The following KIAA1671 variants were observed in gnomAD, a reference collection of about 807,000 sequenced individuals.
KIAA1671 encodes the protein KIAA1671.
KIAA1671 carries 52 observed loss-of-function variants against 131.2 expected under a neutral mutation model. The ratio of observed to expected loss-of-function variants is 0.40; its 90% confidence interval spans 0.32 to 0.50. KIAA1671 has a LOEUF of 0.50. Among genes scored for constraint, KIAA1671 ranks in the 20% least tolerant of loss-of-function variants. KIAA1671 has a pLI of 0.73. For synonymous variants in KIAA1671, 1,003 were observed against 961.6 expected, an observed-to-expected ratio of 1.04 and a Z score of -0.80; for missense variants, 2,360 against 2,364.2, an observed-to-expected ratio of 1.00 and a Z score of 0.04.
chr22:24,965,101 T>TA (rs3063196), intron 1 of KIAA1671, among the ~76,000 whole-genome samples: 173 of 140,878 alleles, frequency 1.2e-3, no homozygotes, highest in Non-Finnish European at 1.7e-3. Flanking sequence ...AGTAGGCTCT[T>TA]AAAAAAAAAA....
chr22:25,151,864 G>A (rs761889221), intron 6 of KIAA1671, among the ~76,000 whole-genome samples: 7 of 151,280 alleles, frequency 4.6e-5, no homozygotes, highest in South Asian at 2.1e-4. Flanking sequence ...TCAGCCTCCC[G>A]AGAAGCTGGG....
chr22:25,182,258 C>T (rs1934314890), intron 10 of KIAA1671, among the ~76,000 whole-genome samples: 1 of 151,794 alleles, frequency 6.6e-6, no homozygotes, highest in Admixed American at 6.6e-5. Flanking sequence ...TTCCTCCTTC[C>T]TTTTGTCCCT....
chr22:25,101,022 T>C (rs965649519), intron 6 of KIAA1671, among the ~76,000 whole-genome samples: 1 of 152,236 alleles, frequency 6.6e-6, no homozygotes, highest in Non-Finnish European at 1.5e-5. Flanking sequence ...ATGTGTTCCT[T>C]ATCCCATTTC....
At chr22:24,992,131 T>C (rs1006086538) in intron 1 of KIAA1671, among the ~76,000 whole-genome samples, 1 of 152,120 alleles carries the variant, frequency 6.6e-6, no homozygotes, top group South Asian at 2.1e-4. Flanking sequence ...TCCTAAGAGA[T>C]TGTCTCTGGG....
At chr22:25,007,193 G>A (rs868330877) in intron 1 of KIAA1671, among the ~76,000 whole-genome samples, 1 of 152,004 alleles carries the variant, frequency 6.6e-6, no homozygotes, top group African/African-American at 2.4e-5. Context: ...GAGTTACAAG[G>A]TCTGCTAGTG....
At chr22:25,135,963 T>C (rs750879699) in intron 6 of KIAA1671, among the ~76,000 whole-genome samples, 15 of 152,224 alleles carry the variant, frequency 9.9e-5, no homozygotes, top group Non-Finnish European at 1.9e-4. Flanking sequence ...TGCTTTACAA[T>C]TGTGGGAACT....
intron 1 of KIAA1671, among the ~76,000 whole-genome samples, chr22:24,994,260 G>A (rs554872455): frequency 6.6e-6 from 1 of 152,140 alleles, no homozygotes; most frequent in Non-Finnish European, 1.5e-5. Flanking sequence ...TTCTAGGAAA[G>A]AGTGGTGTCA....
At chr22:24,959,579 CAT>C (rs60725069) in intron 1 of KIAA1671, among the ~76,000 whole-genome samples, 2 of 151,750 alleles carry the variant, frequency 1.3e-5, no homozygotes, top group African/African-American at 4.8e-5. Flanking sequence ...CACACACACA[CAT>C]ATATATATTT....
chr22:25,039,686 C>T lies in KIAA1671; in HGVS notation c.2556C>T (p.Ile852=). Residue 852 remains isoleucine, a synonymous_variant, in exon 5 of 13, where the codon ATC becomes ATT. Coordinates refer to ENST00000358431, the MANE Select transcript of KIAA1671 (RefSeq NM_001145206.2). ...CAPGATSVRA[I]KAAIWESQHE... Reference sequence around the variant, plus strand: ...CCGGGGCCACCTCCGTCAGGGCTATCAAGGCTGCCATCTGGGAAAGCCAGC... The same window carrying T: ...CCGGGGCCACCTCCGTCAGGGCTATTAAGGCTGCCATCTGGGAAAGCCAGC... 1 of 1,519,444 alleles carries T rather than the reference C, an allele frequency of 6.6e-7. No homozygotes were observed. Among genetic ancestry groups the T allele is most frequent in the Non-Finnish European group, 8.9e-7 (1 of 1,127,958 alleles). 94.1% of individuals were successfully genotyped at this position (1,519,444 alleles called of 1,614,324 possible).
At chr22:25,128,702 C>T (rs998626069) in intron 6 of KIAA1671, among the ~76,000 whole-genome samples, 1 of 152,130 alleles carries the variant, frequency 6.6e-6, no homozygotes, top group Non-Finnish European at 1.5e-5. Flanking sequence ...CTCTTTGCAC[C>T]CCCATAAGCC....
chr22:24,965,721 CA>C (rs1922265110), intron 1 of KIAA1671, among the ~76,000 whole-genome samples: 1 of 76,810 alleles, frequency 1.3e-5, no homozygotes, highest in Admixed American at 2.0e-4. Flanking sequence ...GCTTGGGCAA[CA>C]AGAGTGAAAC....
In KIAA1671 at chr22:25,049,301, T is replaced by C. The variant is rs1881655418; in HGVS notation, c.4467T>C (p.Pro1489=). Reference sequence around the variant, plus strand: ...AGCGACCGCTCCAGCAGGTGTCCCCTGTGGCCTCGGTTCCCTGGAGAAGCC... The same window carrying C: ...AGCGACCGCTCCAGCAGGTGTCCCCCGTGGCCTCGGTTCCCTGGAGAAGCC... The part of the protein sequence containing the change: ...EKERPLQQVS[P]VASVPWRSHS... Residue 1489 remains proline, a synonymous_variant, in exon 6 of 13, where the codon CCT becomes CCC. Coordinates refer to ENST00000358431, the MANE Select transcript of KIAA1671 (RefSeq NM_001145206.2). The C allele has an allele frequency of 2.6e-6, 4 of 1,551,804 alleles. No homozygotes were observed. Among genetic ancestry groups the C allele is most frequent in the South Asian group, 2.4e-5 (2 of 84,060 alleles).
At chr22:25,079,227 GACTA>G (rs1156879361) in intron 6 of KIAA1671, among the ~76,000 whole-genome samples, 1 of 144,182 alleles carries the variant, frequency 6.9e-6, no homozygotes, top group Non-Finnish European at 1.5e-5. Context: ...CTGCCCCAGG[GACTA>G]ACTTTTTTTT....
Position 25,040,691 on chromosome 22 carries a change from A to C in KIAA1671, c.3561A>C (p.Pro1187=). The change falls in exon 5 of 13, where the codon CCA becomes CCC. Residue 1187 remains proline (P), a synonymous_variant. Transcript: ENST00000358431. ...CTGATGTGATCAGTGACACGTTCCC[A>C]GGTAAAATCAGAGATGGCTACAGAT... The part of the protein sequence containing the change: ...RKTDVISDTF[P]GKIRDGYRSS... The C allele has an allele frequency of 6.4e-7, 1 of 1,552,180 alleles. No homozygotes were observed. Among genetic ancestry groups the C allele is most frequent in the Non-Finnish European group, 8.7e-7 (1 of 1,147,096 alleles).
At position 25,040,485 on chromosome 22, in the gene KIAA1671, C is replaced by A. The variant is rs1261584868; in HGVS notation, c.3355C>A (p.Pro1119Thr). Residue 1119 changes from proline (P) to threonine (T), a missense_variant, in exon 5 of 13, where the codon CCT becomes ACT. Around this residue, in one of 3 missense-constraint regions of KIAA1671, gnomAD observed 1,161 missense variants for 1,204.7 expected, o/e 0.96. Coordinates refer to ENST00000358431, the MANE Select transcript of KIAA1671 (RefSeq NM_001145206.2). ...PSSLGAWSLD[P>T]FNGRIIDVDA... Reference sequence around the variant, plus strand: ...ATCTCTTGGGGCCTGGAGTCTGGACCCTTTCAATGGAAGAATCATTGATGT... The same window carrying A: ...ATCTCTTGGGGCCTGGAGTCTGGACACTTTCAATGGAAGAATCATTGATGT... The A allele has an allele frequency of 3.9e-6, 6 of 1,551,912 alleles. No individual in the cohort carries two copies. In the African/African-American group the frequency reaches 8.2e-5, roughly 21 times the overall value.
intron 1 of KIAA1671, among the ~76,000 whole-genome samples, chr22:24,961,767 G>C (rs889148007): frequency 6.6e-6 from 1 of 152,244 alleles, no homozygotes; most frequent in Non-Finnish European, 1.5e-5. Context: ...AGAAACATTT[G>C]CTGAGCAATA....
chr22:24,988,263 AGAGT>A (rs1923655342), intron 1 of KIAA1671, among the ~76,000 whole-genome samples: 1 of 142,668 alleles, frequency 7.0e-6, no homozygotes, highest in Non-Finnish European at 1.5e-5. Flanking sequence ...TTGGGCAACA[AGAGT>A]GAAACTCCAT....
At chr22:25,077,100 C>T (rs1929151681) in intron 6 of KIAA1671, among the ~76,000 whole-genome samples, 1 of 152,184 alleles carries the variant, frequency 6.6e-6, no homozygotes, top group Non-Finnish European at 1.5e-5. Flanking sequence ...TCCCAGCCTA[C>T]AGGAAAGCTT....
At chr22:25,026,795 G>A (rs1462855800) in intron 2 of KIAA1671, among the ~76,000 whole-genome samples, 12 of 151,954 alleles carry the variant, frequency 7.9e-5, no homozygotes, top group Non-Finnish European at 1.5e-5. Flanking sequence ...CTGGGTGATC[G>A]TAGGCAAGTC....
Sources: gnomAD v4.1 joint callset for allele counts (sites outside exome capture counted in the v4.1 genomes callset) on GRCh38, gnomAD v4.1.1 for gene constraint, gnomAD v4.1.1 regional missense constraint, MANE v1.5 for transcripts, NCBI Gene and HGNC (gene_info 2026-07-23, HGNC 2026-07-21) for gene names.